KLHL3: variants seen among roughly 807,000 people sequenced by gnomAD.
KLHL3 encodes kelch-like protein 3.
In KLHL3, 19 loss-of-function variants were observed where a neutral mutation model predicts 70.5. That is an observed-to-expected ratio of 0.27 (90% CI 0.19 to 0.40). The LOEUF (loss-of-function observed/expected upper bound fraction) is 0.40. KLHL3 is among the 10% of genes least tolerant of loss of function. KLHL3 has a pLI of 1.00. For synonymous variants in KLHL3, 258 were observed against 290.3 expected, an observed-to-expected ratio of 0.89 and a Z score of 1.13; for missense variants, 512 against 771.1, an observed-to-expected ratio of 0.66 and a Z score of 3.98.
At chr5:137,653,945 A>T (rs538061968) in intron 8 of KLHL3, among the ~76,000 whole-genome samples, 1 of 152,214 alleles carries the variant, frequency 6.6e-6, no homozygotes, top group Non-Finnish European at 1.5e-5. Context: ...ACATGCAACA[A>T]CGGGGATGAA....
intron 12 of KLHL3, 86 bp downstream of exon 12, chr5:137,633,951 C>T: frequency 6.4e-7 from 1 of 1,553,226 alleles, no homozygotes; most frequent in South Asian, 1.1e-5. Flanking sequence ...CACATGTACC[C>T]TCTAAATCTA....
chr5:137,696,896 A>G (rs2905614), intron 4 of KLHL3, among the ~76,000 whole-genome samples: 124,040 of 152,120 alleles, frequency 0.82, 51,096 homozygotes, highest in East Asian at 0.98. Flanking sequence ...ACCACGGAAC[A>G]GGAACTCAGG....
chr5:137,733,600 G>A (rs768033994), intron 1 of KLHL3, among the ~76,000 whole-genome samples: 1 of 152,196 alleles, frequency 6.6e-6, no homozygotes, highest in Non-Finnish European at 1.5e-5. Context: ...TTAGAATTCC[G>A]AAGAACATCA....
At chr5:137,704,343 C>T (rs952069951) in intron 3 of KLHL3, among the ~76,000 whole-genome samples, 15 of 151,972 alleles carry the variant, frequency 9.9e-5, no homozygotes, top group African/African-American at 2.4e-5. Context: ...CGAGATTGCG[C>T]CACTGCAGTC....
chr5:137,719,386 C>G (rs1352080461), intron 2 of KLHL3, among the ~76,000 whole-genome samples: 1 of 152,242 alleles, frequency 6.6e-6, no homozygotes, highest in African/African-American at 2.4e-5. Flanking sequence ...CAAAAGTTGC[C>G]TCTGCCTTCA....
chr5:137,713,326 T>A lies in KLHL3; in HGVS notation c.135-3470A>T, dbSNP rs77867420. Among the ~76,000 whole-genome samples the A allele has an allele frequency of 2.8e-3, 433 of 152,102 alleles. 1 individual carries two copies. The highest frequency in any genetic ancestry group is 0.01 in the African/African-American group (420 of 41,504). On this transcript the variant is annotated intron_variant, in intron 2 of 14. Coordinates refer to ENST00000309755, the MANE Select transcript of KLHL3 (RefSeq NM_017415.3). Reference sequence around the variant, plus strand: ...AAAATATGACAGTGTGGTACTAGTATAAGGATAGCTATATAGATCAATAAA... The same window carrying A: ...AAAATATGACAGTGTGGTACTAGTAAAAGGATAGCTATATAGATCAATAAA...
intron 1 of KLHL3, among the ~76,000 whole-genome samples, chr5:137,721,707 G>A (rs1341158722): frequency 6.6e-6 from 1 of 152,226 alleles, no homozygotes. Flanking sequence ...TCAGGAGGTT[G>A]AAGCAGGAGG....
In KLHL3 at chr5:137,621,990, C is replaced by T. The variant is rs147305829; in HGVS notation, c.*108G>A. The T allele has an allele frequency of 1.0e-3, 1,185 of 1,179,898 alleles. 1 individual carries two copies. The highest frequency in any genetic ancestry group is 1.4e-3 in the Non-Finnish European group (1,067 of 785,816). 73.1% of individuals were successfully genotyped at this position (1,179,898 alleles called of 1,614,324 possible). A position where few individuals can be genotyped will look rare whatever the true frequency, so the allele number is the denominator to read the frequency against. On this transcript the variant is annotated 3_prime_UTR_variant, in exon 15 of 15. Coordinates refer to ENST00000309755, the MANE Select transcript of KLHL3 (RefSeq NM_017415.3). ...AGTCAGAGGAGAGCGGTTCTCACAG[C>T]AGCACAGACCCTCCCAAGCAAGTTG...
rs185000807 is a variant in KLHL3 at position 137,635,153 on chromosome 5, T to G, written c.1322-988A>C. Among the ~76,000 whole-genome samples the G allele has an allele frequency of 3.9e-5, 6 of 152,306 alleles. No homozygotes were observed. In the East Asian group the frequency reaches 1.2e-3, roughly 29 times the overall value. On this transcript the variant is annotated intron_variant, in intron 11 of 14. Coordinates refer to ENST00000309755, the MANE Select transcript of KLHL3 (RefSeq NM_017415.3). ...TTGAAAATCTGCAATTATTTTAAGT[T>G]AGAAAGATTCTCAGGCTCAAACCTA...
rs1266314027 is a variant in KLHL3, at chr5:137,718,574, A to G, written c.134+1891T>C. On this transcript the variant is annotated intron_variant, in intron 2 of 14. Coordinates refer to ENST00000309755, the MANE Select transcript of KLHL3 (RefSeq NM_017415.3). Reference sequence around the variant, plus strand: ...TGCAGGGAATCTTGTGTACATATCTATTCCTAAGTTCTCCCTTTCAGGCAT... The same window carrying G: ...TGCAGGGAATCTTGTGTACATATCTGTTCCTAAGTTCTCCCTTTCAGGCAT... Among the ~76,000 whole-genome samples the G allele has an allele frequency of 3.9e-5, 6 of 152,372 alleles. No homozygotes were observed. In the East Asian group the frequency reaches 1.2e-3, roughly 29 times the overall value.
intron 6 of KLHL3, among the ~76,000 whole-genome samples, chr5:137,668,371 G>C (rs1040718171): frequency 6.6e-6 from 1 of 152,054 alleles, no homozygotes. Context: ...AGATTGCACC[G>C]CTGCACTCCA....
chr5:137,625,899 G>GT lies in KLHL3; in HGVS notation c.1592-4dup. The GT allele has an allele frequency of 6.2e-7, 1 of 1,614,038 alleles. No homozygotes were observed. The highest frequency in any genetic ancestry group is 8.5e-7 in the Non-Finnish European group (1 of 1,180,006). On this transcript the variant is annotated splice_region_variant and splice_polypyrimidine_tract_variant and intron_variant, in intron 13 of 14. Coordinates refer to ENST00000309755, the MANE Select transcript of KLHL3 (RefSeq NM_017415.3). ...GAGCCCATTTACTGCACAGACCCCT[G>GT]TGAGTCAAACAAAAGCCATGGGAGA... is the stretch of plus-strand genomic sequence containing the variant.
At chr5:137,627,598 T>C (rs1750509688) in intron 13 of KLHL3, among the ~76,000 whole-genome samples, 1 of 151,356 alleles carries the variant, frequency 6.6e-6, no homozygotes, top group South Asian at 2.1e-4. Context: ...GCCTGGGAAG[T>C]TGGGCTAAGC....
intron 5 of KLHL3, among the ~76,000 whole-genome samples, chr5:137,678,865 A>G (rs1016091508): frequency 6.6e-6 from 1 of 152,108 alleles, no homozygotes; most frequent in Non-Finnish European, 1.5e-5. Flanking sequence ...TATTGATATT[A>G]CTATGGTCAC....
intron 2 of KLHL3, among the ~76,000 whole-genome samples, chr5:137,710,844 A>G (rs1752779439): frequency 1.3e-5 from 2 of 152,236 alleles, no homozygotes; most frequent in African/African-American, 4.8e-5. Flanking sequence ...TGTTATGCCT[A>G]TATTGAAAAT....
At chr5:137,657,361 C>T (rs1253050540) in intron 8 of KLHL3, among the ~76,000 whole-genome samples, 1 of 152,178 alleles carries the variant, frequency 6.6e-6, no homozygotes. Context: ...CCCCAGACAT[C>T]AGCATGTTAG....
intron 8 of KLHL3, among the ~76,000 whole-genome samples, chr5:137,650,903 GAAAGA>G (rs1214538577): frequency 6.7e-6 from 1 of 149,230 alleles, no homozygotes; most frequent in Non-Finnish European, 1.5e-5. Flanking sequence ...AAGAAAGAAA[GAAAGA>G]AAAGAAACAA....
At chr5:137,686,937 T>C (rs1327801931) in intron 5 of KLHL3, among the ~76,000 whole-genome samples, 1 of 82,142 alleles carries the variant, frequency 1.2e-5, no homozygotes, top group Non-Finnish European at 2.6e-5. Context: ...GAGGAGCCCC[T>C]CTGCCCGGCC....
chr5:137,637,149 G>A (rs757989831), intron 11 of KLHL3, 145 bp downstream of exon 11: 4 of 605,134 alleles, frequency 6.6e-6, no homozygotes, highest in East Asian at 3.0e-5. Context: ...TTCCTCATCC[G>A]CTAAATCAGG....
Sources: allele counts gnomAD v4.1 joint callset (sites outside exome capture counted in the v4.1 genomes callset), GRCh38; gene constraint gnomAD v4.1.1; transcripts MANE v1.5; gene names NCBI Gene and HGNC (gene_info 2026-07-23, HGNC 2026-07-21).